SLC44A5: variants seen among roughly 807,000 people sequenced by gnomAD.
SLC44A5 encodes the protein choline transporter-like protein 5.
SLC44A5 carries 57 observed loss-of-function variants against 101.8 expected under a neutral mutation model. That is an observed-to-expected ratio of 0.56 (90% CI 0.45 to 0.70). The LOEUF (loss-of-function observed/expected upper bound fraction) is 0.70. SLC44A5 is among the 30% of genes least tolerant of loss of function. The probability of loss-of-function intolerance (pLI) is 0.00; values close to 1 mark genes in which losing one functional copy is unlikely to be tolerated. For synonymous variants in SLC44A5, 281 were observed against 290.9 expected, an observed-to-expected ratio of 0.97 and a Z score of 0.35; for missense variants, 737 against 853.1, an observed-to-expected ratio of 0.86 and a Z score of 1.70.
At chr1:75,442,033 T>C (rs1858627) in intron 2 of SLC44A5, among the ~76,000 whole-genome samples, 35,960 of 152,044 alleles carry the variant, frequency 0.24, 5,369 homozygotes, top group East Asian at 0.8. Flanking sequence ...CTTGGTTGAG[T>C]GATAATGTGC....
the SLC44A5 span, among the ~76,000 whole-genome samples, chr1:75,628,942 C>T: frequency 6.6e-6 from 1 of 152,128 alleles, no homozygotes; most frequent in Non-Finnish European, 1.5e-5. Flanking sequence ...CCCATCTCAA[C>T]TAGTTGCATG....
At chr1:75,360,117 G>C (rs1225843856) in intron 3 of SLC44A5, among the ~76,000 whole-genome samples, 1 of 151,992 alleles carries the variant, frequency 6.6e-6, no homozygotes, top group Admixed American at 6.6e-5. Context: ...CTCGCAAATT[G>C]TCTGCCTTTT....
the SLC44A5 span, among the ~76,000 whole-genome samples, chr1:75,716,721 A>G: frequency 2.0e-5 from 3 of 152,160 alleles, no homozygotes; most frequent in Non-Finnish European, 2.9e-5. Flanking sequence ...AATGCCCATC[A>G]ACTATAGACT....
At chr1:75,556,922 A>G (rs546957706) in intron 1 of SLC44A5, among the ~76,000 whole-genome samples, 61 of 152,214 alleles carry the variant, frequency 4.0e-4, no homozygotes, top group African/African-American at 1.4e-3. Flanking sequence ...AGACTTCACC[A>G]CTACACAATA....
At chr1:75,555,219 C>T (rs211780) in intron 1 of SLC44A5, among the ~76,000 whole-genome samples, 55,988 of 151,840 alleles carry the variant, frequency 0.37, 10,969 homozygotes, top group East Asian at 0.78. Flanking sequence ...TTAAATCAGA[C>T]AAAACCACTT....
chr1:75,273,425 T>C (rs532874561), intron 6 of SLC44A5, among the ~76,000 whole-genome samples: 13 of 152,252 alleles, frequency 8.5e-5, no homozygotes, highest in African/African-American at 2.9e-4. Context: ...TGAATAGAAG[T>C]GTTGCATGTA....
chr1:75,339,729 T>A, intron 3 of SLC44A5, 99 bp from the exon 4 acceptor site: 1 of 1,012,710 alleles, frequency 9.9e-7, no homozygotes. Context: ...AGTCCACTGC[T>A]CAGTGCAGTG....
intron 2 of SLC44A5, among the ~76,000 whole-genome samples, chr1:75,481,493 A>G (rs1437989820): frequency 1.3e-5 from 2 of 152,102 alleles, no homozygotes; most frequent in African/African-American, 2.4e-5. Flanking sequence ...GAAAATTTTC[A>G]CAACCTACTC....
At chr1:75,666,023 G>A in the SLC44A5 span, among the ~76,000 whole-genome samples, 1 of 152,126 alleles carries the variant, frequency 6.6e-6, no homozygotes, top group South Asian at 2.1e-4. Flanking sequence ...CTGTTGATAG[G>A]AGTATTAATT....
chr1:75,558,259 C>G (rs550446308), intron 1 of SLC44A5, among the ~76,000 whole-genome samples: 2 of 152,210 alleles, frequency 1.3e-5, no homozygotes, highest in East Asian at 1.9e-4. Flanking sequence ...GAAACATACT[C>G]TCTAAATTTT....
At chr1:75,230,631 T>C (rs1647467688) in intron 12 of SLC44A5, among the ~76,000 whole-genome samples, 1 of 151,928 alleles carries the variant, frequency 6.6e-6, no homozygotes, top group Admixed American at 6.6e-5. Flanking sequence ...TGTTTTTGTC[T>C]TTTGAGACAG....
chr1:75,391,950 T>C (rs2101362765), intron 3 of SLC44A5, among the ~76,000 whole-genome samples: 1 of 152,222 alleles, frequency 6.6e-6, no homozygotes, highest in Non-Finnish European at 1.5e-5. Flanking sequence ...GTCTGGAAGT[T>C]TGAGACCAGC....
At chr1:75,355,802 C>T (rs541865828) in intron 3 of SLC44A5, among the ~76,000 whole-genome samples, 9 of 151,992 alleles carry the variant, frequency 5.9e-5, no homozygotes, top group Admixed American at 1.3e-4. Flanking sequence ...TTTACAGCCA[C>T]GATACTTGAT....
intron 20 of SLC44A5, 124 bp from the exon 21 acceptor site, chr1:75,214,113 T>C: frequency 1.5e-6 from 1 of 665,442 alleles, no homozygotes; most frequent in Non-Finnish European, 2.6e-6. Context: ...TATTTGGCAA[T>C]TGTTTTGCAA....
At chr1:75,387,895 A>C (rs1192170171) in intron 3 of SLC44A5, among the ~76,000 whole-genome samples, 4 of 146,770 alleles carry the variant, frequency 2.7e-5, no homozygotes, top group Admixed American at 6.8e-5. Context: ...AAAATGATGA[A>C]TTCATGTCCT....
chr1:75,374,229 G>A (rs1033324109), intron 3 of SLC44A5, among the ~76,000 whole-genome samples: 19 of 152,136 alleles, frequency 1.2e-4, no homozygotes, highest in African/African-American at 2.4e-4. Flanking sequence ...AAAATCCCTG[G>A]CCACAGTCAA....
the SLC44A5 span, among the ~76,000 whole-genome samples, chr1:75,705,100 G>T: frequency 1.3e-5 from 2 of 152,142 alleles, no homozygotes; most frequent in African/African-American, 4.8e-5. Flanking sequence ...ACAAAAGTAA[G>T]TAAATAAAAA....
At chr1:75,261,711 A>T (rs1650523516) in intron 6 of SLC44A5, among the ~76,000 whole-genome samples, 1 of 152,148 alleles carries the variant, frequency 6.6e-6, no homozygotes, top group South Asian at 2.1e-4. Flanking sequence ...GCAGAGACAC[A>T]ACAACAGAAA....
At chr1:75,295,284 C>T (rs890578030) in intron 5 of SLC44A5, among the ~76,000 whole-genome samples, 2 of 152,118 alleles carry the variant, frequency 1.3e-5, no homozygotes, top group Non-Finnish European at 2.9e-5. Context: ...ATGAAAAAGT[C>T]ATCTTGGAAT....
Sources: allele counts gnomAD v4.1 joint callset (sites outside exome capture counted in the v4.1 genomes callset), GRCh38; gene constraint gnomAD v4.1.1; transcripts MANE v1.5; gene names NCBI Gene and HGNC (gene_info 2026-07-23, HGNC 2026-07-21).